CLIP3: variants seen among roughly 807,000 people sequenced by gnomAD.
CLIP3 encodes the protein CAP-Gly domain containing linker protein 3.
In CLIP3, 15 loss-of-function variants were observed where a neutral mutation model predicts 59.4. The ratio of observed to expected loss-of-function variants is 0.25; its 90% CI spans 0.17 to 0.39. The LOEUF is 0.39. CLIP3 is among the 10% of genes least tolerant of loss of function. The pLI is 1.00. For missense variants in CLIP3, 495 were observed against 765.7 expected (o/e 0.65, Z 4.17); for synonymous variants, 300 against 321.6 (o/e 0.93, Z 0.72).
At chr19:36,028,403 A>T (rs1305328030) in intron 2 of CLIP3, among the ~76,000 whole-genome samples, 2 of 152,132 alleles carry the variant, frequency 1.3e-5, no homozygotes, top group African/African-American at 2.4e-5. Context: ...GCAGGAATCA[A>T]CCTGTGCCCA....
At chr19:36,031,344 C>A (rs1969262071) in intron 2 of CLIP3, among the ~76,000 whole-genome samples, 1 of 152,084 alleles carries the variant, frequency 6.6e-6, no homozygotes, top group Non-Finnish European at 1.5e-5. Flanking sequence ...ATAGCACTTG[C>A]TCCAATCTGA....
chr19:36,027,589 C>A (rs1006674395), intron 2 of CLIP3, among the ~76,000 whole-genome samples: 2 of 152,162 alleles, frequency 1.3e-5, no homozygotes, highest in Non-Finnish European at 2.9e-5. Flanking sequence ...GTCTGCATGT[C>A]CAGGGGGACT....
chr19:36,016,201 C>T lies in CLIP3; in HGVS notation c.1601G>A (p.Cys534Tyr). The change falls in exon 14 of 14, where the codon TGC (cysteine) becomes TAC (tyrosine). Residue 534 changes from cysteine (C) to tyrosine (Y), a missense_variant. Transcript: ENST00000360535. This position sits in a 1 kb window ranked among gnomAD's most constrained non-coding sequence, Gnocchi z 4.1. Reference sequence around the variant, plus strand: ...CCTCAGCATCCAGGGGAACCAGCAGCAGAACAGCAACCTGGAAAGGAGGAT... The same window carrying T: ...CCTCAGCATCCAGGGGAACCAGCAGTAGAACAGCAACCTGGAAAGGAGGAT... ...SENSISRLLF[C>Y]CWFPWMLRAE... 1 of 1,614,082 alleles carries T rather than the reference C, an allele frequency of 6.2e-7. No individual in the cohort carries two copies. Among genetic ancestry groups the T allele is most frequent in the Non-Finnish European group, 8.5e-7 (1 of 1,179,966 alleles).
At chr19:36,027,374 G>C in intron 2 of CLIP3, 103 bp from the exon 3 acceptor site, 1 of 1,332,066 alleles carries the variant, frequency 7.5e-7, no homozygotes. Flanking sequence ...CTCTAATGCA[G>C]GGTCTCAAGC....
intron 2 of CLIP3, 58 bp from the exon 3 acceptor site, chr19:36,027,329 C>T (rs867124798): frequency 6.5e-7 from 1 of 1,533,406 alleles, no homozygotes; most frequent in Middle Eastern, 1.8e-4. Flanking sequence ...CTTCCAGCCT[C>T]AGTAGGGGAG....
At chr19:36,027,899 G>T (rs1048296234) in intron 2 of CLIP3, among the ~76,000 whole-genome samples, 15 of 151,662 alleles carry the variant, frequency 9.9e-5, no homozygotes, top group Non-Finnish European at 1.5e-5. Flanking sequence ...AGCCAGGTGT[G>T]GTGGTGCGCA....
At chr19:36,029,109 C>T (rs1969191314) in intron 2 of CLIP3, among the ~76,000 whole-genome samples, 1 of 144,822 alleles carries the variant, frequency 6.9e-6, no homozygotes, top group Non-Finnish European at 1.5e-5. Context: ...ATCATGAGGT[C>T]AGCAGTTCGA....
At chr19:36,023,395 T>G (rs1020452581) in intron 7 of CLIP3, among the ~76,000 whole-genome samples, 2 of 152,192 alleles carry the variant, frequency 1.3e-5, no homozygotes, top group African/African-American at 4.8e-5. Context: ...CATCCTCTGC[T>G]TCCTTATCTT....
chr19:36,022,374 C>A (rs555577515), intron 7 of CLIP3, among the ~76,000 whole-genome samples: 15 of 152,258 alleles, frequency 9.9e-5, no homozygotes, highest in Non-Finnish European at 2.1e-4. Flanking sequence ...CCCAAAGAGG[C>A]AGAATCACTG....
At chr19:36,031,023 C>CTTTTTTTTTTTTTTTTTT (rs55762943) in intron 2 of CLIP3, among the ~76,000 whole-genome samples, 37 of 80,198 alleles carry the variant, frequency 4.6e-4, no homozygotes, top group East Asian at 1.3e-3. Flanking sequence ...TTTTTTTTTT[C>CTTTTTTTTTTTTTTTTTT]TTTTTTTTTT....
intron 9 of CLIP3, among the ~76,000 whole-genome samples, chr19:36,018,582 CAAA>C (rs753224712): frequency 1.3e-4 from 10 of 75,932 alleles, no homozygotes; most frequent in Admixed American, 1.4e-4. Context: ...ACTCTTGACT[CAAA>C]AAAAAAAAAA....
At chr19:36,018,069 A>T in intron 9 of CLIP3, 78 bp from the exon 10 acceptor site, 2 of 1,527,652 alleles carry the variant, frequency 1.3e-6, no homozygotes, top group East Asian at 4.6e-5. Flanking sequence ...GGAAAACCCC[A>T]AGGTAGAAAA....
At chr19:36,031,024 T>TTTTTTC (rs1969250951) in intron 2 of CLIP3, among the ~76,000 whole-genome samples, 1 of 73,576 alleles carries the variant, frequency 1.4e-5, no homozygotes, top group African/African-American at 7.8e-5. Context: ...TTTTTTTTTC[T>TTTTTTC]TTTTTTTTTT....
intron 7 of CLIP3, among the ~76,000 whole-genome samples, chr19:36,023,387 TC>T (rs1013947302): frequency 6.6e-6 from 1 of 152,164 alleles, no homozygotes; most frequent in Non-Finnish European, 1.5e-5. Context: ...ACCTACTGCA[TC>T]CTCTGCTTCC....
chr19:36,027,309 T>C (rs776154755), intron 2 of CLIP3, 38 bp from the exon 3 acceptor site: 1 of 1,556,386 alleles, frequency 6.4e-7, no homozygotes, highest in Non-Finnish European at 8.7e-7. Flanking sequence ...CCCACGCAAC[T>C]GACCCCCTCC....
At chr19:36,019,056 G>A (rs375546985) in intron 8 of CLIP3, 30 bp from the exon 9 acceptor site, 1 of 1,585,370 alleles carries the variant, frequency 6.3e-7, no homozygotes, top group African/African-American at 1.3e-5. Context: ...GCCTGGTGTT[G>A]TCCAAGCCTC....
intron 7 of CLIP3, among the ~76,000 whole-genome samples, chr19:36,022,830 C>T (rs906175204): frequency 2.0e-5 from 3 of 151,828 alleles, no homozygotes; most frequent in Non-Finnish European, 2.9e-5. Flanking sequence ...CTGAGGCGGG[C>T]GGATCACGAG....
chr19:36,031,023 C>CTTTTTTTTTTTTT (rs55762943), intron 2 of CLIP3, among the ~76,000 whole-genome samples: 7 of 80,174 alleles, frequency 8.7e-5, no homozygotes, highest in Admixed American at 1.5e-4. Context: ...TTTTTTTTTT[C>CTTTTTTTTTTTTT]TTTTTTTTTT....
At chr19:36,023,075 C>A (rs1001190810) in intron 7 of CLIP3, among the ~76,000 whole-genome samples, 9 of 151,792 alleles carry the variant, frequency 5.9e-5, no homozygotes, top group Admixed American at 2.0e-4. Context: ...TAATAATAAT[C>A]ATAATAATAA....
Sources: gnomAD v4.1 joint callset for allele counts (sites outside exome capture counted in the v4.1 genomes callset) on GRCh38, gnomAD v4.1.1 for gene constraint, Gnocchi (gnomAD v3.1) non-coding constraint, MANE v1.5 for transcripts, NCBI Gene and HGNC (gene_info 2026-07-23, HGNC 2026-07-21) for gene names.